The following TEX11 variants were observed in gnomAD, a reference collection of about 807,000 sequenced individuals.
TEX11 encodes the protein testis-expressed protein 11.
TEX11 carries 7 observed loss-of-function variants against 84.4 expected under a neutral mutation model. The observed-to-expected ratio is 0.08, with a 90% CI of 0.05 to 0.16. TEX11 has a LOEUF of 0.16. Ranked by LOEUF, TEX11 falls within the 10% of genes least tolerant of loss-of-function variation. The pLI is 1.00. For synonymous variants in TEX11, 264 were observed against 222.8 expected, an observed-to-expected ratio of 1.18 and a Z score of -1.64; for missense variants, 551 against 660.5, an observed-to-expected ratio of 0.83 and a Z score of 1.82.
At chrX:70,693,647 T>TA (rs1014076298) in intron 13 of TEX11, among the ~76,000 whole-genome samples, 9 of 111,437 alleles carry the variant, frequency 8.1e-5, no homozygotes, top group African/African-American at 2.9e-4. Flanking sequence ...AGATTTTAGT[T>TA]AAAGGGTACA....
At chrX:70,725,032 C>T (rs1210369264) in intron 12 of TEX11, among the ~76,000 whole-genome samples, 2 of 107,608 alleles carry the variant, frequency 1.9e-5, no homozygotes, top group Non-Finnish European at 3.8e-5. Flanking sequence ...AAACTGATTG[C>T]TTTTATTCAG....
intron 16 of TEX11, among the ~76,000 whole-genome samples, chrX:70,663,280 CTATTT>C (rs1018465728): frequency 9.0e-6 from 1 of 111,556 alleles, no homozygotes; most frequent in African/African-American, 3.3e-5. Context: ...AGAATTCACT[CTATTT>C]TAAGAAAATC....
intron 25 of TEX11, among the ~76,000 whole-genome samples, chrX:70,568,765 C>A (rs976351295): frequency 9.0e-6 from 1 of 111,386 alleles, no homozygotes; most frequent in Non-Finnish European, 1.9e-5. Flanking sequence ...GAGTTTCTGC[C>A]GAGAGATCAG....
At chrX:70,764,903 C>G (rs1341110437) in intron 9 of TEX11, among the ~76,000 whole-genome samples, 1 of 110,993 alleles carries the variant, frequency 9.0e-6, no homozygotes, top group Non-Finnish European at 1.9e-5. Context: ...ATTTAAAGAA[C>G]TAATACTAAT....
intron 25 of TEX11, among the ~76,000 whole-genome samples, chrX:70,566,488 T>C (rs1375697469): frequency 9.0e-6 from 1 of 110,996 alleles, no homozygotes; most frequent in Non-Finnish European, 1.9e-5. Context: ...GTGCCAGTTT[T>C]CAAAGGGAAT....
chrX:70,745,353 A>T (rs991806821), intron 9 of TEX11, among the ~76,000 whole-genome samples: 7 of 110,924 alleles, frequency 6.3e-5, no homozygotes, highest in African/African-American at 2.3e-4. Flanking sequence ...TATTCACCAT[A>T]AAATTAGTAT....
intron 16 of TEX11, among the ~76,000 whole-genome samples, chrX:70,657,889 C>A: frequency 1.3e-5 from 1 of 75,456 alleles, no homozygotes; most frequent in Admixed American, 2.0e-4. Context: ...AACACATGGA[C>A]ACAGGAAGGG....
chrX:70,627,227 A>G (rs886755138), intron 18 of TEX11, among the ~76,000 whole-genome samples: 1 of 112,368 alleles, frequency 8.9e-6, no homozygotes, highest in African/African-American at 3.2e-5. Flanking sequence ...GTTTAACTAC[A>G]AAGGGAAGAA....
intron 8 of TEX11, among the ~76,000 whole-genome samples, chrX:70,825,473 T>C (rs2091340476): frequency 9.0e-6 from 1 of 110,586 alleles, no homozygotes; most frequent in South Asian, 3.8e-4. Context: ...TGATAAGGGC[T>C]TTAAATCAGA....
At chrX:70,820,342 G>A (rs2091312143) in intron 8 of TEX11, among the ~76,000 whole-genome samples, 1 of 112,102 alleles carries the variant, frequency 8.9e-6, no homozygotes, top group African/African-American at 3.2e-5. Context: ...AGTCAGTGTT[G>A]ATGGATATCA....
intron 10 of TEX11, among the ~76,000 whole-genome samples, chrX:70,743,440 A>G (rs1487060396): frequency 4.5e-5 from 5 of 112,319 alleles, no homozygotes; most frequent in Non-Finnish European, 9.4e-5. Flanking sequence ...CCATTTTGCT[A>G]TAGAATGTAG....
chrX:70,836,716 T>C lies in TEX11; in HGVS notation c.526-3123A>G, dbSNP rs980737769. Among the ~76,000 whole-genome samples the C allele has an allele frequency of 3.6e-5, 4 of 112,204 alleles. No homozygotes were observed. In the South Asian group the frequency reaches 1.5e-3, roughly 42 times the overall value. ...AGAAATGGGATCTCTCATACATTACTGGTAAGAATCTAAATGGTGGCCGGG... is the reference window on the plus strand; with the variant it reads ...AGAAATGGGATCTCTCATACATTACCGGTAAGAATCTAAATGGTGGCCGGG... On this transcript the variant is annotated intron_variant, in intron 7 of 29. Coordinates refer to ENST00000374333, the MANE Select transcript of TEX11 (RefSeq NM_031276.3).
intron 24 of TEX11, among the ~76,000 whole-genome samples, chrX:70,593,056 A>AACACACACAC (rs56116828): frequency 1.0e-5 from 1 of 95,975 alleles, no homozygotes; most frequent in Non-Finnish European, 2.1e-5. Flanking sequence ...AGAGCATTTT[A>AACACACACAC]ACACACACAC....
intron 9 of TEX11, among the ~76,000 whole-genome samples, chrX:70,756,831 G>A: frequency 8.9e-6 from 1 of 111,938 alleles, no homozygotes; most frequent in Non-Finnish European, 1.9e-5. Context: ...CAAGCTAAAG[G>A]AGCATGTTCT....
intron 16 of TEX11, among the ~76,000 whole-genome samples, chrX:70,667,808 T>TCCCAGCTA (rs2089989461): frequency 1.8e-5 from 2 of 110,661 alleles, no homozygotes; most frequent in Admixed American, 9.6e-5. Flanking sequence ...ATGCCTGTAA[T>TCCCAGCTA]CCCAGCTACT....
At chrX:70,845,144 C>T (rs2147846164) in intron 7 of TEX11, among the ~76,000 whole-genome samples, 1 of 111,257 alleles carries the variant, frequency 9.0e-6, no homozygotes, top group African/African-American at 3.3e-5. Context: ...CAATAGAGTC[C>T]TATTCACTTG....
chrX:70,669,748 C>T (rs1250013588), intron 16 of TEX11, among the ~76,000 whole-genome samples: 1 of 112,890 alleles, frequency 8.9e-6, no homozygotes. Flanking sequence ...TTTGGGTTCA[C>T]ACTTGTCCTT....
At chrX:70,581,996 C>T (rs917544712) in intron 25 of TEX11, among the ~76,000 whole-genome samples, 1 of 111,118 alleles carries the variant, frequency 9.0e-6, no homozygotes, top group Admixed American at 9.6e-5. Context: ...AGAGGTTTTC[C>T]GCATGTATGT....
At chrX:70,771,828 C>A (rs2090973657) in intron 9 of TEX11, among the ~76,000 whole-genome samples, 1 of 111,647 alleles carries the variant, frequency 9.0e-6, no homozygotes, top group Admixed American at 9.5e-5. Context: ...TCAAGCCTGC[C>A]CCAGCGCCAA....
Sources: gnomAD v4.1 joint callset for allele counts (sites outside exome capture counted in the v4.1 genomes callset) on GRCh38, gnomAD v4.1.1 for gene constraint, MANE v1.5 for transcripts, NCBI Gene and HGNC (gene_info 2026-07-23, HGNC 2026-07-21) for gene names.